Variants in BCL2L14 observed in about 807,000 individuals in gnomAD.
The protein encoded by BCL2L14 is BCL2 like 14.
Under a neutral mutation model 35.3 loss-of-function variants are expected in BCL2L14, and 27 were observed. The ratio of observed to expected loss-of-function variants is 0.76; its 90% confidence interval spans 0.56 to 1.05. The LOEUF (loss-of-function observed/expected upper bound fraction) is 1.05. Among genes scored for constraint, BCL2L14 ranks in the 50% least tolerant of loss-of-function variants. BCL2L14 has a pLI of 0.00. For synonymous variants in BCL2L14, 139 were observed against 145.9 expected (o/e 0.95, Z 0.34); for missense variants, 377 against 382.6 (o/e 0.99, Z 0.12).
chr12:12,078,107 G>A, intron 1 of BCL2L14: 1 of 237,038 alleles, frequency 4.2e-6, no homozygotes, highest in Non-Finnish European at 9.0e-6. Context: ...AAACATGCCT[G>A]TGATCACATC....
chr12:12,065,823 G>A (rs1182928369), intron 2 of BCL2L14, among the ~76,000 whole-genome samples: 1 of 149,446 alleles, frequency 6.7e-6, no homozygotes, highest in Non-Finnish European at 1.5e-5. Context: ...GCGAAGTCTC[G>A]CTCTGTTGCC....
intron 1 of BCL2L14, among the ~76,000 whole-genome samples, chr12:12,051,474 G>A (rs183823805): frequency 1.3e-5 from 2 of 151,958 alleles, no homozygotes; most frequent in Non-Finnish European, 1.5e-5. Context: ...ACCTTAACTC[G>A]CCTCTCATGA....
At chr12:12,095,808 T>C in intron 5 of BCL2L14, 1 of 985,328 alleles carries the variant, frequency 1.0e-6, no homozygotes, top group Non-Finnish European at 1.2e-6. Context: ...TGCCCAAGGG[T>C]CTGAAGTGCC....
intron 1 of BCL2L14, among the ~76,000 whole-genome samples, chr12:12,050,258 G>A (rs1392263163): frequency 6.6e-6 from 1 of 151,974 alleles, no homozygotes; most frequent in East Asian, 1.9e-4. Context: ...TGCAAAGGCT[G>A]GACAGGAGTC....
chr12:12,066,793 C>G (rs966368064), upstream of BCL2L14, among the ~76,000 whole-genome samples: 35 of 151,068 alleles, frequency 2.3e-4, no homozygotes, highest in African/African-American at 7.8e-4. Context: ...TCACTGCAAG[C>G]TCCGCCTCCC....
At chr12:12,078,031 AT>A in intron 1 of BCL2L14, 5 of 416,424 alleles carry the variant, frequency 1.2e-5, no homozygotes, top group Non-Finnish European at 2.4e-5. Flanking sequence ...CTATCCTGTT[AT>A]TCGTATGGAA....
chr12:12,093,514 C>T (rs907557384), intron 4 of BCL2L14, among the ~76,000 whole-genome samples: 3 of 152,036 alleles, frequency 2.0e-5, no homozygotes, highest in Admixed American at 2.0e-4. Context: ...AGGCTGGGTA[C>T]GGGCACAGTG....
intron 5 of BCL2L14, among the ~76,000 whole-genome samples, chr12:12,097,056 A>C (rs1194804053): frequency 2.0e-5 from 3 of 152,170 alleles, no homozygotes; most frequent in African/African-American, 7.2e-5. Context: ...GAGGTAGGAG[A>C]ATGGTGTAAA....
chr12:12,058,306 A>T (rs1220353247), intron 2 of BCL2L14, among the ~76,000 whole-genome samples: 2 of 150,680 alleles, frequency 1.3e-5, no homozygotes, highest in African/African-American at 4.9e-5. Flanking sequence ...GCTAGAGTGC[A>T]GTGGCATGAT....
intron 2 of BCL2L14, among the ~76,000 whole-genome samples, chr12:12,084,591 G>C (rs1349731092): frequency 6.6e-6 from 1 of 152,120 alleles, no homozygotes; most frequent in Non-Finnish European, 1.5e-5. Context: ...GGAACAGACA[G>C]CCTTTCTGTC....
At chr12:12,090,585 A>T (rs1342459391) in intron 3 of BCL2L14, among the ~76,000 whole-genome samples, 194 bp from the exon 4 acceptor site, 2 of 152,052 alleles carry the variant, frequency 1.3e-5, no homozygotes, top group African/African-American at 4.8e-5. Context: ...GTGAGGCAAG[A>T]TCGCACCATT....
intron 1 of BCL2L14, among the ~76,000 whole-genome samples, chr12:12,050,694 T>G (rs899262038): frequency 2.0e-5 from 3 of 150,608 alleles, no homozygotes; most frequent in Non-Finnish European, 4.4e-5. Flanking sequence ...AAGAGCCTAT[T>G]TACAGGGGTG....
upstream of BCL2L14, among the ~76,000 whole-genome samples, chr12:12,066,937 C>T (rs1948601467): frequency 6.6e-6 from 1 of 152,094 alleles, no homozygotes; most frequent in Non-Finnish European, 1.5e-5. Context: ...GTCTCGATCT[C>T]CTGACCTCGT....
intron 4 of BCL2L14, 180 bp from the exon 5 acceptor site, chr12:12,094,484 C>T: frequency 6.4e-7 from 1 of 1,562,766 alleles, no homozygotes; most frequent in Non-Finnish European, 8.8e-7. Flanking sequence ...ATTCACCGAG[C>T]AGTACATGCC....
At chr12:12,062,586 C>T (rs1036531378) in intron 2 of BCL2L14, among the ~76,000 whole-genome samples, 1 of 151,718 alleles carries the variant, frequency 6.6e-6, no homozygotes, top group Non-Finnish European at 1.5e-5. Context: ...TGAGGATTTA[C>T]CCCCACCCAG....
intron 4 of BCL2L14, among the ~76,000 whole-genome samples, chr12:12,091,266 T>C (rs1296436229): frequency 3.9e-5 from 6 of 152,234 alleles, no homozygotes; most frequent in African/African-American, 1.4e-4. Context: ...GGAATCTTTT[T>C]CCCCTGTAGT....
upstream of BCL2L14, chr12:12,070,794 A>C (rs1443019267): frequency 6.6e-6 from 1 of 152,230 alleles, no homozygotes; most frequent in Non-Finnish European, 1.5e-5. Context: ...ACACCCACCT[A>C]GTTATCCCAA....
chr12:12,054,374 G>A (rs942797693), intron 2 of BCL2L14, among the ~76,000 whole-genome samples: 4 of 150,496 alleles, frequency 2.7e-5, no homozygotes, highest in Non-Finnish European at 1.5e-5. Context: ...CGTGGTGGCA[G>A]GTGCCTGTAA....
chr12:12,099,086 T>C lies in BCL2L14; in HGVS notation c.*98T>C, dbSNP rs1565496657. 1.1e-6 allele frequency: 1 copy of C among 880,384 alleles called. No individual in the cohort carries two copies. Among genetic ancestry groups the C allele is most frequent in the Non-Finnish European group, 1.9e-6 (1 of 528,232 alleles). 54.5% of individuals were successfully genotyped at this position (880,384 alleles called of 1,614,324 possible). A position where few individuals can be genotyped will look rare whatever the true frequency, so the allele number is the denominator to read the frequency against. On this transcript the variant is annotated 3_prime_UTR_variant, in exon 6 of 6. Coordinates refer to ENST00000308721, the MANE Select transcript of BCL2L14 (RefSeq NM_138723.2). ...AGGAGATTACAACGTACAAGGCAGA[T>C]GGAGCATTGACGTTTTCAAAACCAT...
Sources: allele counts gnomAD v4.1 joint callset (sites outside exome capture counted in the v4.1 genomes callset), GRCh38; gene constraint gnomAD v4.1.1; transcripts MANE v1.5; gene names NCBI Gene and HGNC (gene_info 2026-07-23, HGNC 2026-07-21).